The following IL1RAPL1 variants were observed in gnomAD, a reference collection of about 807,000 sequenced individuals.
The protein encoded by IL1RAPL1 is interleukin-1 receptor accessory protein-like 1.
A neutral mutation model predicts 48.4 loss-of-function variants in IL1RAPL1; 3 were observed. The observed-to-expected ratio is 0.06, with a 90% confidence interval of 0.03 to 0.16. The LOEUF (loss-of-function observed/expected upper bound fraction) is 0.16, where lower values mean the gene tolerates loss of function less well. IL1RAPL1 is among the 10% of genes least tolerant of loss of function. The probability of loss-of-function intolerance (pLI) is 1.00; values close to 1 mark genes in which losing one functional copy is unlikely to be tolerated. For synonymous variants in IL1RAPL1, 185 were observed against 187.7 expected, an observed-to-expected ratio of 0.99 and a Z score of 0.12; for missense variants, 349 against 530.6, an observed-to-expected ratio of 0.66 and a Z score of 3.36.
At chrX:29,578,586 A>T (rs1015311142) in intron 5 of IL1RAPL1, among the ~76,000 whole-genome samples, 2 of 111,897 alleles carry the variant, frequency 1.8e-5, no homozygotes, top group Non-Finnish European at 1.9e-5. Context: ...TAGGGAGATG[A>T]TAATCAAATG....
At chrX:29,516,673 G>A (rs946458493) in intron 5 of IL1RAPL1, among the ~76,000 whole-genome samples, 1 of 110,386 alleles carries the variant, frequency 9.1e-6, no homozygotes, top group African/African-American at 3.3e-5. Context: ...TGTATCTCTT[G>A]TATTCTTGAT....
At position 28,670,191 on chromosome X, in the gene IL1RAPL1, CTG is replaced by C. The variant is rs745583846; in HGVS notation, c.-25+82148_-25+82149del. On this transcript the variant is annotated intron_variant, in intron 1 of 10. Transcript: ENST00000378993. ...CACCCGCTTTAAAGCAAAGACAAGA[CTG>C]TGTCTTAATCTTTATGCATCCCAGA... is the stretch of plus-strand genomic sequence containing the variant. Among the ~76,000 whole-genome samples the C allele has an allele frequency of 1.5e-4, 17 of 111,818 alleles. No individual in the cohort carries two copies. The East Asian group carries it at 4.8e-3, about 32-fold the overall frequency.
At chrX:29,528,595 C>T (rs1373701353) in intron 5 of IL1RAPL1, among the ~76,000 whole-genome samples, 3 of 112,224 alleles carry the variant, frequency 2.7e-5, no homozygotes, top group African/African-American at 9.7e-5. Flanking sequence ...GAATCTCTCT[C>T]AGATCCTTAA....
Position 29,396,408 on chromosome X carries a change from A to G in IL1RAPL1, c.513A>G (p.Leu171=), listed in dbSNP as rs1933919494. Residue 171 remains leucine (L), a synonymous_variant, in exon 4 of 11, where the codon CTA becomes CTG. Transcript: ENST00000378993. ...CATGCCGTGACATAGAGGATTTTCT[A>G]CTGCCAACCAGAGAACCTGAAATCC... ...EISCRDIEDF[L]LPTREPEILW... is the part of the protein sequence containing the mutation. The G allele has an allele frequency of 8.3e-7, 1 of 1,210,224 alleles. No individual in the cohort carries two copies. The highest frequency in any genetic ancestry group is 1.7e-5 in the African/African-American group (1 of 57,382).
At chrX:29,294,460 A>G (rs913489485) in intron 3 of IL1RAPL1, among the ~76,000 whole-genome samples, 1 of 107,555 alleles carries the variant, frequency 9.3e-6, no homozygotes, top group Admixed American at 1.0e-4. Context: ...CCCGGGAGGC[A>G]GAGCTTGCAC....
intron 5 of IL1RAPL1, among the ~76,000 whole-genome samples, chrX:29,532,491 A>G (rs1921077181): frequency 1.8e-5 from 2 of 111,614 alleles, no homozygotes; most frequent in African/African-American, 3.3e-5. Flanking sequence ...TGATGCAGGT[A>G]GGGCCTCTGA....
At chrX:29,939,824 G>T (rs1933095091) in intron 8 of IL1RAPL1, among the ~76,000 whole-genome samples, 1 of 109,143 alleles carries the variant, frequency 9.2e-6, no homozygotes, top group East Asian at 2.8e-4. Context: ...TGTAGAATTA[G>T]AAATCAAGGG....
At chrX:29,948,844 A>G (rs1310024501) in intron 9 of IL1RAPL1, among the ~76,000 whole-genome samples, 1 of 98,905 alleles carries the variant, frequency 1.0e-5, no homozygotes, top group African/African-American at 3.9e-5. Context: ...CAAAAAAAAA[A>G]AGAAAAAAAA....
intron 2 of IL1RAPL1, among the ~76,000 whole-genome samples, chrX:28,910,594 AC>A (rs770859080): frequency 1.1e-3 from 119 of 108,995 alleles, no homozygotes; most frequent in South Asian, 7.1e-3. Flanking sequence ...AAAAAAAAAA[AC>A]GTTTTGTAAA....
intron 6 of IL1RAPL1, among the ~76,000 whole-genome samples, chrX:29,843,058 T>C (rs932960663): frequency 8.9e-6 from 1 of 112,446 alleles, no homozygotes; most frequent in Non-Finnish European, 1.9e-5. Flanking sequence ...CGCTGCTCAC[T>C]GTTGAATTCA....
intron 3 of IL1RAPL1, among the ~76,000 whole-genome samples, chrX:29,338,639 C>G (rs910677580): frequency 2.7e-5 from 3 of 111,200 alleles, no homozygotes; most frequent in Admixed American, 9.6e-5. Context: ...AAGTTGAATC[C>G]GGGAGCTCAG....
intron 2 of IL1RAPL1, among the ~76,000 whole-genome samples, chrX:29,150,909 A>T (rs1413818607): frequency 9.8e-6 from 1 of 102,505 alleles, no homozygotes; most frequent in Non-Finnish European, 2.0e-5. Context: ...GTGACAGAGC[A>T]AGACTCCATC....
intron 1 of IL1RAPL1, among the ~76,000 whole-genome samples, chrX:28,693,788 C>T (rs948254770): frequency 9.8e-5 from 11 of 111,777 alleles, no homozygotes; most frequent in African/African-American, 3.6e-4. Context: ...CTTTATTTGT[C>T]AGCAGGGAGC....
chrX:29,294,931 C>G (rs989237901), intron 3 of IL1RAPL1, among the ~76,000 whole-genome samples: 1 of 111,339 alleles, frequency 9.0e-6, no homozygotes, highest in Admixed American at 9.6e-5. Flanking sequence ...CAAGAAATAT[C>G]AAGCAGGGAA....
At chrX:29,005,929 T>C (rs981672954) in intron 2 of IL1RAPL1, among the ~76,000 whole-genome samples, 1 of 112,089 alleles carries the variant, frequency 8.9e-6, no homozygotes, top group Admixed American at 9.5e-5. Flanking sequence ...TACAATATAC[T>C]CTTCTAAATA....
In IL1RAPL1 at chrX:28,901,270, C is replaced by T. The variant is rs182354705; in HGVS notation, c.82+111845C>T. ...AGTGCTTAGGTGAAAACAAATAATA[C>T]AATGATGGTTTTAATAAAATTAAAT... On this transcript the variant is annotated intron_variant, in intron 2 of 10. Transcript: ENST00000378993. 9.6e-4 allele frequency among the ~76,000 whole-genome samples: 107 copies of T among 111,843 alleles called. 2 individuals are homozygous for T. Among genetic ancestry groups the T allele is most frequent in the African/African-American group, 3.1e-3 (97 of 30,824 alleles).
intron 5 of IL1RAPL1, among the ~76,000 whole-genome samples, chrX:29,637,168 A>G (rs1410928133): frequency 1.8e-5 from 2 of 109,786 alleles, no homozygotes; most frequent in Non-Finnish European, 1.9e-5. Flanking sequence ...TTCTCTGTAT[A>G]TCAGTACCAA....
chrX:28,899,999 AG>A (rs1252191473), intron 2 of IL1RAPL1, among the ~76,000 whole-genome samples: 1 of 111,928 alleles, frequency 8.9e-6, no homozygotes, highest in Non-Finnish European at 1.9e-5. Context: ...TGGGCAGAGG[AG>A]GGGGAAAAAG....
At chrX:29,798,200 G>A (rs1929791879) in intron 6 of IL1RAPL1, among the ~76,000 whole-genome samples, 1 of 111,793 alleles carries the variant, frequency 8.9e-6, no homozygotes, top group South Asian at 3.7e-4. Flanking sequence ...GTTCTTAGTC[G>A]GTCTGCCGTG....
Sources: allele counts gnomAD v4.1 joint callset (sites outside exome capture counted in the v4.1 genomes callset), GRCh38; gene constraint gnomAD v4.1.1; transcripts MANE v1.5; gene names NCBI Gene and HGNC (gene_info 2026-07-23, HGNC 2026-07-21).